The following NRXN3 variants were observed in gnomAD, a reference collection of about 807,000 sequenced individuals.
The protein encoded by NRXN3 is neurexin 3.
NRXN3 carries 32 observed loss-of-function variants against 137.6 expected under a neutral mutation model. The ratio of observed to expected loss-of-function variants is 0.23; its 90% CI spans 0.18 to 0.31. NRXN3 has a LOEUF of 0.31. Among genes scored for constraint, NRXN3 ranks in the 10% least tolerant of loss-of-function variants. The pLI, the probability that NRXN3 is intolerant of heterozygous loss-of-function variation, is 1.00. For missense variants in NRXN3, 1,574 were observed against 2,062.5 expected, an observed-to-expected ratio of 0.76 and a Z score of 4.59; for synonymous variants, 798 against 784.5, an observed-to-expected ratio of 1.02 and a Z score of -0.29.
intron 15 of NRXN3, among the ~76,000 whole-genome samples, chr14:78,990,682 G>T (rs2940743): frequency 1.3e-5 from 2 of 151,958 alleles, no homozygotes; most frequent in African/African-American, 4.8e-5. Context: ...AGTGTGATAA[G>T]TATATAGAAT....
At chr14:79,498,581 A>G (rs1226519071) in intron 16 of NRXN3, among the ~76,000 whole-genome samples, 1 of 151,920 alleles carries the variant, frequency 6.6e-6, no homozygotes, top group African/African-American at 2.4e-5. Context: ...TAGAACTCAT[A>G]CCTCCCTTTC....
At chr14:79,321,191 G>A (rs1240903013) in intron 15 of NRXN3, among the ~76,000 whole-genome samples, 1 of 152,010 alleles carries the variant, frequency 6.6e-6, no homozygotes, top group African/African-American at 2.4e-5. Flanking sequence ...GGATAAGATG[G>A]TATCTTTCTT....
At chr14:79,099,375 G>A (rs1237272412) in intron 15 of NRXN3, among the ~76,000 whole-genome samples, 2 of 152,040 alleles carry the variant, frequency 1.3e-5, no homozygotes, top group Non-Finnish European at 2.9e-5. Context: ...AGGGGTGTAG[G>A]GTGGCCATAC....
chr14:78,939,962 A>G (rs1020566730), intron 10 of NRXN3, among the ~76,000 whole-genome samples: 3 of 152,242 alleles, frequency 2.0e-5, no homozygotes, highest in African/African-American at 4.8e-5. Flanking sequence ...AAATCGAATA[A>G]TCTTAAATAA....
intron 10 of NRXN3, among the ~76,000 whole-genome samples, chr14:78,893,705 A>G (rs8009807): frequency 0.013 from 1,898 of 151,764 alleles, 33 homozygotes; most frequent in African/African-American, 0.044. Context: ...ATTTTTCTCA[A>G]TTTTGGATTT....
chr14:78,787,849 T>G (rs565298253), intron 8 of NRXN3, among the ~76,000 whole-genome samples: 1 of 152,278 alleles, frequency 6.6e-6, no homozygotes, highest in East Asian at 1.9e-4. Context: ...GAATGCAATC[T>G]CTACCATGAT....
intron 15 of NRXN3, among the ~76,000 whole-genome samples, chr14:79,076,084 C>G (rs2152734730): frequency 1.3e-5 from 2 of 152,240 alleles, no homozygotes; most frequent in Middle Eastern, 6.8e-3. Context: ...GAGTTAGAGC[C>G]TTGTCTTATA....
At chr14:79,168,667 A>G (rs1362865808) in intron 15 of NRXN3, among the ~76,000 whole-genome samples, 2 of 151,676 alleles carry the variant, frequency 1.3e-5, no homozygotes, top group East Asian at 1.9e-4. Context: ...TGACTGTCCT[A>G]TCATGCGTGT....
At chr14:79,820,694 G>C (rs1203347062) in intron 20 of NRXN3, among the ~76,000 whole-genome samples, 2 of 26,298 alleles carry the variant, frequency 7.6e-5, no homozygotes, top group African/African-American at 4.7e-4. Flanking sequence ...TCCATTGTCT[G>C]TCGTTTCCTT....
intron 15 of NRXN3, among the ~76,000 whole-genome samples, chr14:79,360,177 C>T (rs892892637): frequency 6.6e-6 from 1 of 152,178 alleles, no homozygotes; most frequent in East Asian, 1.9e-4. Context: ...AGCTTCCTCC[C>T]AACTCCCATT....
chr14:79,431,916 T>G (rs945754907), intron 15 of NRXN3, among the ~76,000 whole-genome samples: 4 of 152,168 alleles, frequency 2.6e-5, no homozygotes, highest in Non-Finnish European at 4.4e-5. Context: ...GACCTTATTA[T>G]CCTTTACATG....
At chr14:78,481,849 C>G (rs919574422) in intron 4 of NRXN3, among the ~76,000 whole-genome samples, 2 of 151,994 alleles carry the variant, frequency 1.3e-5, no homozygotes, top group East Asian at 3.9e-4. Context: ...GAACTCAAGA[C>G]TCTTTTATAT....
At chr14:79,610,917 T>G (rs1339773940) in intron 16 of NRXN3, among the ~76,000 whole-genome samples, 2 of 152,124 alleles carry the variant, frequency 1.3e-5, no homozygotes, top group Non-Finnish European at 2.9e-5. Flanking sequence ...CTGAAAATAG[T>G]GTAAATTCAC....
intron 16 of NRXN3, among the ~76,000 whole-genome samples, chr14:79,577,334 C>T (rs1019042314): frequency 2.0e-5 from 3 of 152,208 alleles, no homozygotes; most frequent in Admixed American, 6.5e-5. Context: ...CAGCTCTTAA[C>T]AATCTTTAGT....
At chr14:78,247,320 T>C (rs1163768767) in intron 2 of NRXN3, among the ~76,000 whole-genome samples, 4 of 152,148 alleles carry the variant, frequency 2.6e-5, no homozygotes, top group Non-Finnish European at 5.9e-5. Flanking sequence ...GGTAGTTGCT[T>C]TGGGAGAGTT....
chr14:78,662,664 G>A (rs886192266), intron 6 of NRXN3, among the ~76,000 whole-genome samples: 29 of 152,256 alleles, frequency 1.9e-4, no homozygotes, highest in African/African-American at 7.0e-4. Flanking sequence ...ATAGTTCTAC[G>A]ATGAATGACC....
At chr14:78,442,101 G>A (rs79199271) in intron 4 of NRXN3, among the ~76,000 whole-genome samples, 784 of 129,760 alleles carry the variant, frequency 6.0e-3, no homozygotes, top group Middle Eastern at 0.019. Flanking sequence ...GTCTCAAAAA[G>A]AAAAAAAAAA....
chr14:78,312,977 T>C (rs975230430), intron 4 of NRXN3, among the ~76,000 whole-genome samples: 5 of 152,200 alleles, frequency 3.3e-5, no homozygotes, highest in Admixed American at 6.5e-5. Context: ...AAGAGTGATT[T>C]AGTTCTATTA....
rs530500420 is a variant in NRXN3 at position 79,120,463 on chromosome 14, G to A, written c.3262+132322G>A. 2.6e-5 allele frequency among the ~76,000 whole-genome samples: 4 copies of A among 152,104 alleles called. No homozygotes were observed. In the East Asian group the frequency reaches 7.8e-4, roughly 30 times the overall value. On this transcript the variant is annotated intron_variant, in intron 15 of 20. Transcript: ENST00000335750. Reference sequence around the variant, plus strand: ...TTTCTTGTAAGCTCATTGCCACTATGTAAACCAGCTTATGATTCTTATCTA... The same window carrying A: ...TTTCTTGTAAGCTCATTGCCACTATATAAACCAGCTTATGATTCTTATCTA...
Sources: gnomAD v4.1 joint callset for allele counts (sites outside exome capture counted in the v4.1 genomes callset) on GRCh38, gnomAD v4.1.1 for gene constraint, MANE v1.5 for transcripts, NCBI Gene and HGNC (gene_info 2026-07-23, HGNC 2026-07-21) for gene names.